BTRC: variants seen among roughly 807,000 people sequenced by gnomAD.
The protein encoded by BTRC is beta-transducin repeat containing E3 ubiquitin protein ligase.
In BTRC, 42 loss-of-function variants were observed where a neutral mutation model predicts 85.5. The ratio of observed to expected loss-of-function variants is 0.49; its 90% CI spans 0.38 to 0.64. BTRC has a LOEUF of 0.64. Ranked by LOEUF, BTRC falls within the 30% of genes least tolerant of loss-of-function variation. The pLI, the probability that BTRC is intolerant of heterozygous loss-of-function variation, is 0.00. For missense variants in BTRC, 594 were observed against 743.5 expected (o/e 0.80, Z 2.34); for synonymous variants, 255 against 263.3 (o/e 0.97, Z 0.30).
chr10:101,472,330 T>TCTCTTCTCTTCTCTTCTCTCTC (rs1393458166), intron 3 of BTRC, among the ~76,000 whole-genome samples: 1 of 151,670 alleles, frequency 6.6e-6, no homozygotes, highest in Non-Finnish European at 1.5e-5. Context: ...TTCTCTCTCT[T>TCTCTTCTCTTCTCTTCTCTCTC]CTTTCTTTCT....
Position 101,443,171 on chromosome 10 carries a change from C to T in BTRC, c.156+12719C>T, listed in dbSNP as rs1247423079. 5.3e-5 allele frequency among the ~76,000 whole-genome samples: 8 copies of T among 152,182 alleles called. No individual in the cohort carries two copies. The South Asian group carries it at 1.7e-3, about 32-fold the overall frequency. ...TGCTGGGATTACGAGCATGAGCCAC[C>T]GTGCCTGGCCTCTGTTGTTCTACTT... is the stretch of plus-strand genomic sequence containing the variant. On this transcript the variant is annotated intron_variant, in intron 2 of 14. Coordinates refer to ENST00000370187, the MANE Select transcript of BTRC (RefSeq NM_033637.4).
chr10:101,422,272 C>G (rs370409705), intron 1 of BTRC, among the ~76,000 whole-genome samples: 9 of 152,266 alleles, frequency 5.9e-5, no homozygotes, highest in African/African-American at 2.2e-4. Flanking sequence ...ATGTCTTCTT[C>G]TGAGAAGTGT....
intron 1 of BTRC, among the ~76,000 whole-genome samples, chr10:101,399,486 A>G (rs1264537931): frequency 6.6e-6 from 1 of 152,196 alleles, no homozygotes; most frequent in Non-Finnish European, 1.5e-5. Flanking sequence ...TTAACAAGCT[A>G]GCTAACATTT....
chr10:101,406,520 G>GTTT (rs1589429829), intron 1 of BTRC, among the ~76,000 whole-genome samples: 2 of 89,924 alleles, frequency 2.2e-5, no homozygotes, highest in South Asian at 4.5e-4. Context: ...GCCATCTCAG[G>GTTT]TTTCTTTTTT....
chr10:101,522,015 T>A, intron 5 of BTRC, 145 bp downstream of exon 5: 1 of 21,006 alleles, frequency 4.8e-5, no homozygotes, highest in Non-Finnish European at 1.1e-4. Context: ...GATATAAAGC[T>A]TTTTTTTTTT....
chr10:101,354,399 G>A (rs2134449832), intron 1 of BTRC, 171 bp downstream of exon 1: 1 of 714,724 alleles, frequency 1.4e-6, no homozygotes, highest in Non-Finnish European at 2.2e-6. Context: ...TGGGGGTTGC[G>A]GAGCGGACCC....
rs561527708 is a variant in BTRC, at chr10:101,475,949, A to G, written c.235-3419A>G. Among the ~76,000 whole-genome samples, 584 of 137,354 alleles carry G rather than the reference A, an allele frequency of 4.3e-3. 29 individuals are homozygous for G. The highest frequency in any genetic ancestry group is 0.015 in the African/African-American group (559 of 37,546). The allele number at this position is 137,354 out of a possible 152,430, so 90.1% of individuals were successfully genotyped here. ...TATATATATATATATATATATATATATATATTCAGTAATTCCTAAGGGGAA... is the reference window on the plus strand; with the variant it reads ...TATATATATATATATATATATATATGTATATTCAGTAATTCCTAAGGGGAA... On this transcript the variant is annotated intron_variant, in intron 3 of 14. Transcript: ENST00000370187.
At chr10:101,535,031 A>G in intron 10 of BTRC, 121 bp downstream of exon 10, 2 of 1,167,800 alleles carry the variant, frequency 1.7e-6, no homozygotes, top group Non-Finnish European at 2.5e-6. Context: ...TAATTCAGAG[A>G]CTAGTCTACA....
intron 3 of BTRC, among the ~76,000 whole-genome samples, chr10:101,470,251 A>G (rs967609648): frequency 2.0e-5 from 3 of 150,410 alleles, no homozygotes; most frequent in Non-Finnish European, 3.0e-5. Flanking sequence ...CTCACAGTCT[A>G]TGGTTTGCCT....
chr10:101,357,425 A>G (rs1942070285), intron 1 of BTRC, among the ~76,000 whole-genome samples: 1 of 127,480 alleles, frequency 7.8e-6, no homozygotes, highest in Non-Finnish European at 1.6e-5. Context: ...TGGGTGACAG[A>G]GCGAGACTCT....
chr10:101,424,283 A>G (rs1045891138), intron 1 of BTRC, among the ~76,000 whole-genome samples: 7 of 152,298 alleles, frequency 4.6e-5, no homozygotes, highest in African/African-American at 1.2e-4. Context: ...ACCTTGTGCA[A>G]TAAGGCTGGG....
intron 5 of BTRC, among the ~76,000 whole-genome samples, chr10:101,525,301 A>G (rs2062174005): frequency 6.6e-6 from 1 of 152,158 alleles, no homozygotes; most frequent in African/African-American, 2.4e-5. Flanking sequence ...TGAAATGCTA[A>G]CCAAGTTATC....
chr10:101,551,909 G>A (rs887304940), intron 14 of BTRC, among the ~76,000 whole-genome samples: 7 of 152,150 alleles, frequency 4.6e-5, no homozygotes, highest in African/African-American at 1.4e-4. Context: ...AGGCTGTGTG[G>A]AGATACTGCA....
chr10:101,550,775 T>G lies in BTRC; in HGVS notation c.1733T>G (p.Leu578Arg). 6.2e-7 allele frequency: 1 copy of G among 1,614,084 alleles called. No homozygotes were observed. The highest frequency in any genetic ancestry group is 8.5e-7 in the Non-Finnish European group (1 of 1,179,978). Residue 578 changes from leucine (L) to arginine (R), a missense_variant, in exon 14 of 15, where the codon CTC (leucine) becomes CGC (arginine). Leu to Arg is a moderately radical substitution (Grantham distance 102). Transcript: ENST00000370187. ...IVSSSHDDTI[L>R]IWDFLNDPAA... The stretch of plus-strand genomic sequence containing the variant: ...AGTAGTTCACATGATGACACAATCC[T>G]CATCTGGGACTTCCTAAATGATCCA...
chr10:101,492,413 C>A (rs974144714), intron 4 of BTRC, among the ~76,000 whole-genome samples: 24 of 152,108 alleles, frequency 1.6e-4, no homozygotes, highest in Admixed American at 3.3e-4. Context: ...GAATATGCCA[C>A]TTGTGGATTA....
intron 3 of BTRC, among the ~76,000 whole-genome samples, chr10:101,475,878 T>TTA (rs1440070415): frequency 1.5e-5 from 2 of 137,246 alleles, no homozygotes; most frequent in African/African-American, 5.3e-5. Flanking sequence ...CAAGCTGAGA[T>TTA]GCAAGTAGAA....
intron 4 of BTRC, among the ~76,000 whole-genome samples, chr10:101,500,463 T>A (rs1255781041): frequency 2.0e-5 from 3 of 152,178 alleles, no homozygotes; most frequent in Non-Finnish European, 2.9e-5. Context: ...CCAGTTGGTG[T>A]ATATAACTTT....
chr10:101,475,929 A>ATG, intron 3 of BTRC, among the ~76,000 whole-genome samples: 1 of 99,042 alleles, frequency 1.0e-5, no homozygotes, highest in Non-Finnish European at 2.0e-5. Context: ...TGCCATATAT[A>ATG]TATATATATA....
intron 2 of BTRC, among the ~76,000 whole-genome samples, chr10:101,454,169 A>G (rs979814011): frequency 4.6e-5 from 7 of 152,220 alleles, no homozygotes; most frequent in East Asian, 1.9e-4. Context: ...TAGGGTTTCA[A>G]TTATTCATTG....
Sources: gnomAD v4.1 joint callset for allele counts (sites outside exome capture counted in the v4.1 genomes callset) on GRCh38, gnomAD v4.1.1 for gene constraint, MANE v1.5 for transcripts, NCBI Gene and HGNC (gene_info 2026-07-23, HGNC 2026-07-21) for gene names.